DCC: variants seen among roughly 807,000 people sequenced by gnomAD.
DCC encodes DCC netrin 1 receptor.
In DCC, 58 loss-of-function variants were observed where a neutral mutation model predicts 172.5. The ratio of observed to expected loss-of-function variants is 0.34; its 90% CI spans 0.27 to 0.42. The LOEUF (loss-of-function observed/expected upper bound fraction) is 0.42. Ranked by LOEUF, DCC falls within the 10% of genes least tolerant of loss-of-function variation. DCC has a pLI of 1.00. For synonymous variants in DCC, 709 were observed against 644.5 expected, an observed-to-expected ratio of 1.10 and a Z score of -1.52; for missense variants, 1,740 against 1,791.0, an observed-to-expected ratio of 0.97 and a Z score of 0.51.
At chr18:53,329,673 A>G (rs2057508814) in intron 14 of DCC, among the ~76,000 whole-genome samples, 1 of 152,196 alleles carries the variant, frequency 6.6e-6, no homozygotes. Context: ...GTTATTTCCA[A>G]ATCAATGAAT....
At chr18:52,564,958 C>T (rs540140234) in intron 1 of DCC, among the ~76,000 whole-genome samples, 1 of 152,118 alleles carries the variant, frequency 6.6e-6, no homozygotes, top group Non-Finnish European at 1.5e-5. Context: ...GCTGATCTCT[C>T]ACACTGCTTG....
chr18:52,477,118 T>C (rs1380438169), intron 1 of DCC, among the ~76,000 whole-genome samples: 1 of 152,186 alleles, frequency 6.6e-6, no homozygotes, highest in Non-Finnish European at 1.5e-5. Flanking sequence ...CCTCTCACTG[T>C]GGGTCAACGT....
At chr18:53,376,920 A>G (rs1040259605) in intron 15 of DCC, among the ~76,000 whole-genome samples, 5 of 152,130 alleles carry the variant, frequency 3.3e-5, no homozygotes, top group Non-Finnish European at 7.4e-5. Context: ...CTTAATTTAT[A>G]CTTTACCACC....
intron 7 of DCC, among the ~76,000 whole-genome samples, chr18:53,139,616 C>T (rs1474756623): frequency 6.6e-6 from 1 of 152,062 alleles, no homozygotes; most frequent in South Asian, 2.1e-4. Context: ...AATTTTAACT[C>T]AGTTGACTTT....
At chr18:53,388,894 C>A (rs1431606551) in intron 16 of DCC, among the ~76,000 whole-genome samples, 2 of 152,144 alleles carry the variant, frequency 1.3e-5, no homozygotes, top group Non-Finnish European at 2.9e-5. Flanking sequence ...AAGTGATCCT[C>A]CCACCTAAGT....
At chr18:52,550,654 C>A (rs1316731501) in intron 1 of DCC, among the ~76,000 whole-genome samples, 2 of 152,068 alleles carry the variant, frequency 1.3e-5, no homozygotes, top group African/African-American at 4.8e-5. Flanking sequence ...ACTTTGTCTG[C>A]AACTTAAGCC....
At chr18:52,912,240 C>G (rs1284015205) in intron 3 of DCC, among the ~76,000 whole-genome samples, 2 of 152,034 alleles carry the variant, frequency 1.3e-5, no homozygotes, top group South Asian at 4.1e-4. Context: ...CCACATATTT[C>G]ATAGGGTGGT....
At chr18:53,310,219 C>T (rs1297734722) in intron 13 of DCC, among the ~76,000 whole-genome samples, 1 of 151,832 alleles carries the variant, frequency 6.6e-6, no homozygotes, top group Non-Finnish European at 1.5e-5. Flanking sequence ...TTAGACATGT[C>T]CCCAGGATAT....
At chr18:53,311,624 TTAAC>T (rs1306392685) in intron 13 of DCC, among the ~76,000 whole-genome samples, 1 of 152,244 alleles carries the variant, frequency 6.6e-6, no homozygotes, top group Non-Finnish European at 1.5e-5. Context: ...TAAAAGATAA[TTAAC>T]ATTAAAAACA....
chr18:53,289,230 A>G (rs1361888860), intron 12 of DCC, among the ~76,000 whole-genome samples: 2 of 152,202 alleles, frequency 1.3e-5, no homozygotes, highest in Non-Finnish European at 2.9e-5. Flanking sequence ...AAGTTTAGAA[A>G]GGAACATTTT....
chr18:52,412,951 G>A lies in DCC; in HGVS notation c.91+72073G>A, dbSNP rs62083532. 7.8e-3 allele frequency among the ~76,000 whole-genome samples: 1,188 copies of A among 152,092 alleles called. 8 individuals carry two copies. Among genetic ancestry groups the A allele is most frequent in the Middle Eastern group, 0.054 (16 of 294 alleles). On this transcript the variant is annotated intron_variant, in intron 1 of 28. Transcript: ENST00000442544. ...GATTCATCCAGATTTAACTGAATAG[G>A]ATTGTTACTATGCATTTATACACTG... is the stretch of plus-strand genomic sequence containing the variant.
At chr18:53,322,228 A>T in intron 14 of DCC, 71 bp downstream of exon 14, 1 of 865,692 alleles carries the variant, frequency 1.2e-6, no homozygotes, top group Non-Finnish European at 2.0e-6. Context: ...GGTCTCTTAA[A>T]AAAGGAATGA....
intron 3 of DCC, among the ~76,000 whole-genome samples, chr18:52,919,332 T>A (rs958004159): frequency 6.6e-6 from 1 of 152,180 alleles, no homozygotes; most frequent in African/African-American, 2.4e-5. Context: ...AATTTTTTGA[T>A]CATTAATCTA....
At chr18:53,045,657 G>C (rs547690685) in intron 5 of DCC, among the ~76,000 whole-genome samples, 1 of 151,960 alleles carries the variant, frequency 6.6e-6, no homozygotes, top group East Asian at 1.9e-4. Flanking sequence ...AAAATCCCTA[G>C]ACTTCTTTTG....
intron 15 of DCC, among the ~76,000 whole-genome samples, chr18:53,346,655 ACTC>A (rs1169807077): frequency 6.6e-6 from 1 of 151,604 alleles, no homozygotes; most frequent in Non-Finnish European, 1.5e-5. Context: ...ATTTTCTACT[ACTC>A]TGTTGAGATT....
intron 5 of DCC, among the ~76,000 whole-genome samples, chr18:52,931,239 T>G (rs1161743575): frequency 6.6e-6 from 1 of 152,104 alleles, no homozygotes; most frequent in Non-Finnish European, 1.5e-5. Context: ...AGGACTGAGT[T>G]TATATGAAAA....
chr18:52,830,887 G>A (rs2038601751), intron 2 of DCC, among the ~76,000 whole-genome samples: 1 of 152,078 alleles, frequency 6.6e-6, no homozygotes, highest in Non-Finnish European at 1.5e-5. Context: ...TTGTCCTCAT[G>A]GAGTTGAATT....
chr18:53,166,992 G>T (rs2054931288), intron 8 of DCC, among the ~76,000 whole-genome samples: 1 of 152,058 alleles, frequency 6.6e-6, no homozygotes, highest in Non-Finnish European at 1.5e-5. Flanking sequence ...TAACATTCTG[G>T]CATTCACTAA....
At chr18:52,651,256 G>T (rs573384795) in intron 1 of DCC, among the ~76,000 whole-genome samples, 2 of 152,276 alleles carry the variant, frequency 1.3e-5, no homozygotes, top group South Asian at 4.1e-4. Context: ...TTGAGCTCTT[G>T]GGCTTAAGTG....
Sources: gnomAD v4.1 joint callset for allele counts (sites outside exome capture counted in the v4.1 genomes callset) on GRCh38, gnomAD v4.1.1 for gene constraint, MANE v1.5 for transcripts, NCBI Gene and HGNC (gene_info 2026-07-23, HGNC 2026-07-21) for gene names.